SUPT16H: variants seen among roughly 807,000 people sequenced by gnomAD.
SUPT16H encodes SPT16 homolog, facilitates chromatin remodeling subunit.
SUPT16H carries 24 observed loss-of-function variants against 136.2 expected under a neutral mutation model. The ratio of observed to expected loss-of-function variants is 0.18; its 90% CI spans 0.13 to 0.25. The LOEUF is 0.25. SUPT16H is among the 10% of genes least tolerant of loss of function. The pLI is 1.00. For missense variants in SUPT16H, 623 were observed against 1,270.2 expected (o/e 0.49, Z 7.74); for synonymous variants, 415 against 428.2 (o/e 0.97, Z 0.38).
intron 18 of SUPT16H, 93 bp from the exon 19 acceptor site, chr14:21,359,702 A>T (rs879800579): frequency 4.1e-6 from 6 of 1,454,448 alleles, no homozygotes; most frequent in Non-Finnish European, 5.6e-6. Context: ...CCTCCACAGC[A>T]TGCATGCAAA....
At chr14:21,373,152 T>C (rs1886824162) in intron 2 of SUPT16H, among the ~76,000 whole-genome samples, 186 bp downstream of exon 2, 1 of 152,088 alleles carries the variant, frequency 6.6e-6, no homozygotes, top group African/African-American at 2.4e-5. Context: ...TGCCATGTTG[T>C]CCAGGCTGGT....
At chr14:21,352,896 C>T (rs1379830767) in intron 25 of SUPT16H, 78 bp from the exon 26 acceptor site, 3 of 1,586,382 alleles carry the variant, frequency 1.9e-6, no homozygotes, top group Non-Finnish European at 2.6e-6. Context: ...TGAGATAGTA[C>T]AGAGAATACA....
intron 1 of SUPT16H, among the ~76,000 whole-genome samples, chr14:21,379,183 C>A (rs528231842): frequency 1.3e-5 from 2 of 152,086 alleles, no homozygotes; most frequent in South Asian, 4.2e-4. Flanking sequence ...TATCTGTAAT[C>A]CCAGCACTTT....
chr14:21,366,633 G>T, intron 7 of SUPT16H, 104 bp from the exon 8 acceptor site: 3 of 1,071,458 alleles, frequency 2.8e-6, no homozygotes, highest in Non-Finnish European at 4.1e-6. Context: ...GTTTCTCAAA[G>T]TGTGAACTAA....
chr14:21,371,487 A>G (rs999547372), intron 3 of SUPT16H, among the ~76,000 whole-genome samples: 2 of 152,236 alleles, frequency 1.3e-5, no homozygotes, highest in Non-Finnish European at 2.9e-5. Flanking sequence ...CTGAGAAAAC[A>G]TCCCATGTTA....
At chr14:21,358,627 T>C (rs1430198477) in intron 19 of SUPT16H, among the ~76,000 whole-genome samples, 200 bp from the exon 20 acceptor site, 1 of 152,196 alleles carries the variant, frequency 6.6e-6, no homozygotes, top group Non-Finnish European at 1.5e-5. Context: ...CTGAAGTGCT[T>C]TCGTTGCCCT....
intron 1 of SUPT16H, among the ~76,000 whole-genome samples, chr14:21,379,103 A>G (rs1032855773): frequency 2.0e-5 from 3 of 152,172 alleles, no homozygotes; most frequent in Non-Finnish European, 2.9e-5. Context: ...TATGCCAGGC[A>G]CTGTAGTTGT....
Position 21,352,451 on chromosome 14 carries a change from G to C in SUPT16H, c.*222C>G. 1 of 626,846 alleles carries C rather than the reference G, an allele frequency of 1.6e-6. No homozygotes were observed. Among genetic ancestry groups the C allele is most frequent in the South Asian group, 2.1e-5 (1 of 48,280 alleles). The allele number at this position is 626,846 out of a possible 1,614,324, so 38.8% of individuals were successfully genotyped here. A position where few individuals can be genotyped will look rare whatever the true frequency, so the allele number is the denominator to read the frequency against. ...AGCGGGAGCCTCCTCCTGTCTTCAA[G>C]AACACCTCCTCCCTTGCCATCTGAA... is the stretch of plus-strand genomic sequence containing the variant. On this transcript the variant is annotated 3_prime_UTR_variant, in exon 26 of 26. Transcript: ENST00000216297.
At chr14:21,361,467 C>A (rs1309200009) in intron 15 of SUPT16H, 2 of 509,182 alleles carry the variant, frequency 3.9e-6, no homozygotes, top group Non-Finnish European at 7.0e-6. Context: ...CAGGTACACA[C>A]CACCATGCCC....
rs761855236 is a variant in SUPT16H at position 21,359,562 on chromosome 14, G to A, written c.2223C>T (p.Tyr741=). The part of the protein sequence containing the change: ...GKKRHTDVQF[Y]TEVGEITTDL... ...CCGTGGTTATCTCTCCCACTTCTGT[G>A]TAGAACTGCACATCCGTGTGCCGCT... Residue 741 remains tyrosine (Y), a synonymous_variant, in exon 19 of 26, where the codon TAC becomes TAT. Transcript: ENST00000216297. The A allele has an allele frequency of 1.2e-6, 2 of 1,614,180 alleles. No homozygotes were observed. The highest frequency in any genetic ancestry group is 3.3e-5 in the Admixed American group (2 of 60,016).
chr14:21,354,992 C>T (rs1033272517), intron 22 of SUPT16H: 1 of 152,874 alleles, frequency 6.5e-6, no homozygotes, highest in Non-Finnish European at 1.5e-5. Flanking sequence ...AACATTCCAA[C>T]TGAAACAAGC....
At chr14:21,353,458 A>G (rs1377523443) in intron 25 of SUPT16H, 30 bp downstream of exon 25, 2 of 1,602,604 alleles carry the variant, frequency 1.2e-6, no homozygotes, top group Non-Finnish European at 1.7e-6. Flanking sequence ...GCGTAGACAA[A>G]TGAATAAAAA....
At position 21,370,506 on chromosome 14, in the gene SUPT16H, A is replaced by G. The variant is rs759260483; in HGVS notation, c.331-18T>C. The G allele has an allele frequency of 6.2e-7, 1 of 1,612,832 alleles. No homozygotes were observed. Among genetic ancestry groups the G allele is most frequent in the Non-Finnish European group, 8.5e-7 (1 of 1,179,436 alleles). ...CTTTCATTCTGTCAGTGTCATAGGGAAGAAAAGACACATATGTTTTACCAG... is the reference window on the plus strand; with the variant it reads ...CTTTCATTCTGTCAGTGTCATAGGGGAGAAAAGACACATATGTTTTACCAG... On this transcript the variant is annotated intron_variant, in intron 3 of 25. Coordinates refer to ENST00000216297, the MANE Select transcript of SUPT16H (RefSeq NM_007192.4).
chr14:21,359,649 A>G, intron 18 of SUPT16H, 40 bp from the exon 19 acceptor site: 1 of 1,602,480 alleles, frequency 6.2e-7, no homozygotes. Flanking sequence ...AGTCAGAAAC[A>G]CAAAGGTATC....
At chr14:21,356,600 T>G (rs537247199) in intron 22 of SUPT16H, among the ~76,000 whole-genome samples, 2 of 152,132 alleles carry the variant, frequency 1.3e-5, no homozygotes, top group Admixed American at 1.3e-4. Context: ...ATTAGCTGGG[T>G]GTGGTAGCAC....
At chr14:21,364,993 GAGACATATGCCTAAA>G in intron 9 of SUPT16H, 54 bp from the exon 10 acceptor site, 1 of 1,605,996 alleles carries the variant, frequency 6.2e-7, no homozygotes, top group Non-Finnish European at 8.5e-7. Context: ...GGAGAGGTGT[GAGACATATGCCTAAA>G]AGAAAATAAA....
chr14:21,362,621 GA>G (rs1886580564), intron 14 of SUPT16H, among the ~76,000 whole-genome samples, 172 bp downstream of exon 14: 1 of 152,096 alleles, frequency 6.6e-6, no homozygotes, highest in Non-Finnish European at 1.5e-5. Flanking sequence ...TCTACTAAGT[GA>G]AAAAAACTGA....
At chr14:21,382,682 AG>A (rs1887057471) in intron 1 of SUPT16H, among the ~76,000 whole-genome samples, 1 of 7,522 alleles carries the variant, frequency 1.3e-4, no homozygotes, top group African/African-American at 1.8e-4. Flanking sequence ...TATGACACTG[AG>A]AGAAGCTGCA....
chr14:21,364,324 C>T (rs891804879), intron 10 of SUPT16H, among the ~76,000 whole-genome samples: 3 of 151,470 alleles, frequency 2.0e-5, no homozygotes, highest in African/African-American at 7.3e-5. Flanking sequence ...TTAGAGAGAA[C>T]GCAGTTTAGT....
Sources: allele counts gnomAD v4.1 joint callset (sites outside exome capture counted in the v4.1 genomes callset), GRCh38; gene constraint gnomAD v4.1.1; transcripts MANE v1.5; gene names NCBI Gene and HGNC (gene_info 2026-07-23, HGNC 2026-07-21).